The following ASIC1 variants were observed in gnomAD, a reference collection of about 807,000 sequenced individuals.
The protein encoded by ASIC1 is acid-sensing ion channel 1.
In ASIC1, 21 loss-of-function variants were observed where a neutral mutation model predicts 63.4. The observed-to-expected ratio is 0.33, with a 90% CI of 0.23 to 0.48. ASIC1 has a LOEUF of 0.48. Among genes scored for constraint, ASIC1 ranks in the 20% least tolerant of loss-of-function variants. The pLI is 0.99. For missense variants in ASIC1, 478 were observed against 695.5 expected (o/e 0.69, Z 3.52); for synonymous variants, 258 against 278.2 (o/e 0.93, Z 0.72).
chr12:50,066,621 C>T (rs956456266), intron 3 of ASIC1, among the ~76,000 whole-genome samples: 8 of 152,156 alleles, frequency 5.3e-5, no homozygotes, highest in Non-Finnish European at 1.0e-4. Context: ...AGCTTAGTAT[C>T]ACATTGCGTT....
At chr12:50,073,802 T>A in intron 3 of ASIC1, 1 of 1,534,496 alleles carries the variant, frequency 6.5e-7, no homozygotes, top group Non-Finnish European at 8.7e-7. Context: ...AGCTGCACCC[T>A]CCATGGCACC....
At position 50,081,326 on chromosome 12, in the gene ASIC1, A is replaced by G. The variant is rs1335341553; in HGVS notation, c.1444A>G (p.Lys482Glu). The change falls in exon 11 of 12, where the codon AAG (lysine) becomes GAG (glutamate). Residue 482 changes from lysine (K) to glutamate (E), a missense_variant. Physicochemically the swap from Lys to Glu is moderately conservative, Grantham distance 56. Around this residue, in one of 3 missense-constraint regions of ASIC1, gnomAD observed 104 missense variants for 97.0 expected, o/e 1.07. Coordinates refer to ENST00000447966, the MANE Select transcript of ASIC1 (RefSeq NM_001095.4). ...QKEAKRSSADKGVALSLDDVK... is the reference protein window; with the variant it reads ...QKEAKRSSADEGVALSLDDVK... ...GGAGGCCAAAAGGAGCAGTGCGGAC[A>G]AGGGCGTGGCCCTCAGCCTGGACGA... 17 of 1,610,800 alleles carry G rather than the reference A, an allele frequency of 1.1e-5. No homozygotes were observed. Among genetic ancestry groups the G allele is most frequent in the Non-Finnish European group, 1.4e-5 (17 of 1,178,556 alleles).
rs577986003 is a variant in ASIC1 at position 50,061,018 on chromosome 12, G to T, written c.558+1064G>T. On this transcript the variant is annotated intron_variant, in intron 3 of 11. Coordinates refer to ENST00000447966, the MANE Select transcript of ASIC1 (RefSeq NM_001095.4). ...GTGACAGGTGACAGGTTCAGGATTA[G>T]AACTCATGTCTTGTTAAGCTGAAAA... 1.6e-4 allele frequency among the ~76,000 whole-genome samples: 25 copies of T among 152,320 alleles called. No individual in the cohort carries two copies. In the South Asian group the frequency reaches 5.2e-3, roughly 32 times the overall value.
In ASIC1 at chr12:50,058,782, G is replaced by A. The variant is rs1191015788; in HGVS notation, c.16G>A (p.Glu6Lys). 29 of 1,583,120 alleles carry A rather than the reference G, an allele frequency of 1.8e-5. No individual in the cohort carries two copies. Among genetic ancestry groups the A allele is most frequent in the Middle Eastern group, 1.7e-4 (1 of 5,966 alleles). The change falls in exon 2 of 12, where the codon GAG becomes AAG. Residue 6 changes from glutamate to lysine, a missense_variant. Glu to Lys is a moderately conservative substitution (Grantham distance 56, BLOSUM62 1). Around this residue, in one of 3 missense-constraint regions of ASIC1, gnomAD observed 290 missense variants for 414.9 expected, o/e 0.70. Coordinates refer to ENST00000447966, the MANE Select transcript of ASIC1 (RefSeq NM_001095.4). ...CTCAACAAGGATGGAACTGAAGGCC[G>A]AGGAGGAGGAGGTGGGTGGCGTCCA... MELKA[E>K]EEEVGGVQPV...
chr12:50,070,829 A>G (rs1204875725), intron 3 of ASIC1: 1 of 152,392 alleles, frequency 6.6e-6, no homozygotes, highest in Admixed American at 6.5e-5. Flanking sequence ...GCAGGCAGGA[A>G]AAAGATACAC....
At position 50,059,401 on chromosome 12, in the gene ASIC1, ACC is replaced by A. The variant is rs1222087009; in HGVS notation, c.362+274_362+275del. 6.6e-6 allele frequency among the ~76,000 whole-genome samples: 1 copy of A among 152,166 alleles called. No individual in the cohort carries two copies. Among genetic ancestry groups the A allele is most frequent in the Non-Finnish European group, 1.5e-5 (1 of 68,020 alleles). On this transcript the variant is annotated intron_variant, in intron 2 of 11. Coordinates refer to ENST00000447966, the MANE Select transcript of ASIC1 (RefSeq NM_001095.4). The surrounding 1 kb of genome is among the most constrained non-coding windows in gnomAD (Gnocchi z 4.6). ...TGTCACCCTCTCTGGAGTGAGCTTT[ACC>A]TTCATTCTGGCCACTCTGTCTTGAC...
Position 50,057,991 on chromosome 12 carries a change from A to G in ASIC1, c.-17+75A>G, listed in dbSNP as rs1950461573. On this transcript the variant is annotated intron_variant, in intron 1 of 11. Coordinates refer to ENST00000447966, the MANE Select transcript of ASIC1 (RefSeq NM_001095.4). This position sits in a 1 kb window ranked among gnomAD's most constrained non-coding sequence, Gnocchi z 4.7. The stretch of plus-strand genomic sequence containing the variant: ...GAAGCCGGGACTCTCCTCCCTCTGG[A>G]TTTCCCTTGCTGCTGGGGCGGCTCG... 1 of 140,312 alleles carries G rather than the reference A, an allele frequency of 7.1e-6. No individual in the cohort carries two copies. The highest frequency in any genetic ancestry group is 2.6e-5 in the African/African-American group (1 of 38,600). The allele number at this position is 140,312 out of a possible 1,614,324, so 8.7% of individuals were successfully genotyped here.
intron 3 of ASIC1, chr12:50,073,687 G>T (rs1030541063): frequency 9.8e-6 from 15 of 1,536,392 alleles, no homozygotes; most frequent in Non-Finnish European, 1.3e-5. Context: ...GCAGCAGCAG[G>T]ACATCTCAGA....
At position 50,082,047 on chromosome 12, in the gene ASIC1, T is replaced by A; in HGVS notation, c.*398T>A. 1 of 196,638 alleles carries A rather than the reference T, an allele frequency of 5.1e-6. No homozygotes were observed. Among genetic ancestry groups the A allele is most frequent in the Non-Finnish European group, 1.0e-5 (1 of 96,302 alleles). 12.2% of individuals were successfully genotyped at this position (196,638 alleles called of 1,614,324 possible). A position where few individuals can be genotyped will look rare whatever the true frequency, so the allele number is the denominator to read the frequency against. On this transcript the variant is annotated 3_prime_UTR_variant, in exon 12 of 12. Coordinates refer to ENST00000447966, the MANE Select transcript of ASIC1 (RefSeq NM_001095.4). ...AGGGGTGGAAGGGATCTCTGGGGTCTGGAATTTGGCCCCAAACCAGAGAAT... is the reference window on the plus strand; with the variant it reads ...AGGGGTGGAAGGGATCTCTGGGGTCAGGAATTTGGCCCCAAACCAGAGAAT...
chr12:50,077,940 G>T (rs1260758848), intron 4 of ASIC1, 60 bp from the exon 5 acceptor site: 4 of 1,558,328 alleles, frequency 2.6e-6, no homozygotes, highest in Non-Finnish European at 3.5e-6. Context: ...ATGCCCCCAG[G>T]TCTGAGGGGT....
intron 3 of ASIC1, among the ~76,000 whole-genome samples, chr12:50,073,107 T>C (rs1478326297): frequency 2.6e-5 from 4 of 152,128 alleles, no homozygotes; most frequent in Middle Eastern, 6.8e-3. Flanking sequence ...GTGTGTGTTG[T>C]GTGTGTCCTG....
chr12:50,073,740 G>A, intron 3 of ASIC1: 1 of 1,536,484 alleles, frequency 6.5e-7, no homozygotes, highest in Non-Finnish European at 8.7e-7. Flanking sequence ...AGGCAGTGAG[G>A]AAGGAGGCCA....
At chr12:50,073,830 G>A (rs1232208385) in intron 3 of ASIC1, 3 of 1,530,992 alleles carry the variant, frequency 2.0e-6, no homozygotes, top group South Asian at 1.2e-5. Flanking sequence ...TTTTTGTGGA[G>A]GGGGGTCCAG....
chr12:50,076,940 A>G (rs748244417), intron 3 of ASIC1: 1 of 598,068 alleles, frequency 1.7e-6, no homozygotes, highest in Admixed American at 2.2e-5. Flanking sequence ...GCCATTACCA[A>G]TACCTCCCAA....
chr12:50,080,145 A>T, intron 8 of ASIC1, 90 bp downstream of exon 8: 138 of 1,398,190 alleles, frequency 9.9e-5, no homozygotes, highest in Non-Finnish European at 1.2e-4. Flanking sequence ...GCTGGCAGGC[A>T]GGGGGAACTT....
At chr12:50,066,722 G>A (rs762813226) in intron 3 of ASIC1, among the ~76,000 whole-genome samples, 9 of 152,058 alleles carry the variant, frequency 5.9e-5, no homozygotes, top group Admixed American at 4.6e-4. Flanking sequence ...TGACTACTTC[G>A]AACTTCTCCA....
intron 11 of ASIC1, 80 bp downstream of exon 11, chr12:50,081,444 G>A: frequency 6.6e-6 from 2 of 304,176 alleles, no homozygotes. Context: ...CCGCCCACCC[G>A]CCTCTGCCAC....
At chr12:50,067,444 T>C (rs1950556607) in intron 3 of ASIC1, among the ~76,000 whole-genome samples, 1 of 151,598 alleles carries the variant, frequency 6.6e-6, no homozygotes, top group African/African-American at 2.4e-5. Context: ...AGTTTTGCTC[T>C]TGTTGCTCAG....
rs1950481301 is a variant in ASIC1 at position 50,059,527 on chromosome 12, C to T, written c.363-232C>T. The stretch of plus-strand genomic sequence containing the variant: ...TGCCTTGTCTCTCTGCCCACCTTAT[C>T]CATGCTTCCTCTCACCCATGTGCTG... On this transcript the variant is annotated intron_variant, in intron 2 of 11. Coordinates refer to ENST00000447966, the MANE Select transcript of ASIC1 (RefSeq NM_001095.4). This position sits in a 1 kb window ranked among gnomAD's most constrained non-coding sequence, Gnocchi z 4.6. Among the ~76,000 whole-genome samples, 1 of 152,220 alleles carries T rather than the reference C, an allele frequency of 6.6e-6. No homozygotes were observed. The highest frequency in any genetic ancestry group is 2.4e-5 in the African/African-American group (1 of 41,452).
Sources: gnomAD v4.1 joint callset for allele counts (sites outside exome capture counted in the v4.1 genomes callset) on GRCh38, gnomAD v4.1.1 for gene constraint, gnomAD v4.1.1 regional missense constraint, Gnocchi (gnomAD v3.1) non-coding constraint, MANE v1.5 for transcripts, NCBI Gene and HGNC (gene_info 2026-07-23, HGNC 2026-07-21) for gene names.